HMCN1: variants seen among roughly 807,000 people sequenced by gnomAD.
The protein encoded by HMCN1 is hemicentin-1.
A neutral mutation model predicts 625.9 loss-of-function variants in HMCN1; 321 were observed. The ratio of observed to expected loss-of-function variants is 0.51; its 90% CI spans 0.47 to 0.56. HMCN1 has a LOEUF of 0.56. HMCN1 is among the 20% of genes least tolerant of loss of function. HMCN1 has a pLI of 0.00. For synonymous variants in HMCN1, 2,425 were observed against 2,417.6 expected (o/e 1.00, Z -0.09); for missense variants, 6,588 against 6,887.3 (o/e 0.96, Z 1.54).
chr1:186,078,483 A>C (rs528360411), intron 55 of HMCN1, among the ~76,000 whole-genome samples: 39 of 152,206 alleles, frequency 2.6e-4, no homozygotes, highest in Non-Finnish European at 3.8e-4. Context: ...GTCCCAAAAT[A>C]GAGCTGGCTA....
chr1:186,001,765 A>G (rs1431579729), intron 28 of HMCN1, 24 bp downstream of exon 28: 1 of 1,596,746 alleles, frequency 6.3e-7, no homozygotes, highest in East Asian at 2.2e-5. Context: ...CCTTTTAAAA[A>G]ACTACAATTC....
intron 3 of HMCN1, 99 bp from the exon 4 acceptor site, chr1:185,865,642 C>A: frequency 4.8e-6 from 4 of 832,982 alleles, no homozygotes; most frequent in Non-Finnish European, 5.7e-6. Context: ...TTCACATATT[C>A]TACTTGCCCA....
chr1:185,746,772 A>AT (rs1238817382), intron 1 of HMCN1, among the ~76,000 whole-genome samples: 2 of 151,616 alleles, frequency 1.3e-5, no homozygotes, highest in African/African-American at 4.9e-5. Flanking sequence ...TGCCCAGCTA[A>AT]TTTTTTGTAT....
intron 4 of HMCN1, among the ~76,000 whole-genome samples, chr1:185,884,563 C>T (rs183587300): frequency 5.3e-4 from 80 of 152,092 alleles, no homozygotes; most frequent in African/African-American, 1.8e-3. Flanking sequence ...CAATCCTATT[C>T]TCTCTCTTAT....
chr1:185,873,663 A>G (rs1232107158), intron 4 of HMCN1, among the ~76,000 whole-genome samples: 2 of 152,070 alleles, frequency 1.3e-5, no homozygotes, highest in Non-Finnish European at 2.9e-5. Flanking sequence ...AGCACCTGTG[A>G]TTGAATAATA....
At chr1:186,157,753 C>T (rs1048150652) in intron 97 of HMCN1, among the ~76,000 whole-genome samples, 64 of 152,152 alleles carry the variant, frequency 4.2e-4, no homozygotes, top group African/African-American at 1.5e-3. Flanking sequence ...AACCATGTCC[C>T]TACAAAGGAC....
At chr1:185,885,427 A>C (rs1664584999) in intron 4 of HMCN1, among the ~76,000 whole-genome samples, 1 of 151,956 alleles carries the variant, frequency 6.6e-6, no homozygotes, top group Non-Finnish European at 1.5e-5. Context: ...AATATGATCC[A>C]ATTATTTTAT....
chr1:185,996,388 C>A (rs1047873950), intron 24 of HMCN1, among the ~76,000 whole-genome samples: 2 of 152,112 alleles, frequency 1.3e-5, no homozygotes, highest in African/African-American at 2.4e-5. Flanking sequence ...GGCCAGCTGG[C>A]TGCATTCCAG....
chr1:186,066,413 G>A (rs772899879), intron 49 of HMCN1, among the ~76,000 whole-genome samples: 2 of 151,938 alleles, frequency 1.3e-5, no homozygotes, highest in East Asian at 1.9e-4. Flanking sequence ...CAATCTACCC[G>A]GCCAAAAGTC....
Position 186,070,645 on chromosome 1 carries a change from G to C in HMCN1, c.8027G>C (p.Gly2676Ala). ...PPIINKGDLWGPGLSPKEVKI... is the reference protein window; with the variant it reads ...PPIINKGDLWAPGLSPKEVKI... ...ATAATCAATAAAGGGGACCTTTGGG[G>C]GCCAGGTCTTTCCCCTAAAGAAGTG... Residue 2676 changes from glycine (G) to alanine (A), a missense_variant, in exon 52 of 107, where the codon GGG becomes GCG. Physicochemically the swap from Gly to Ala is moderately conservative, Grantham distance 60. This residue lies in a region of HMCN1 where 4,628 missense variants were observed against 4,853.1 expected (regional missense o/e 0.95). Coordinates refer to ENST00000271588, the MANE Select transcript of HMCN1 (RefSeq NM_031935.3). The C allele has an allele frequency of 6.2e-7, 1 of 1,613,254 alleles. No homozygotes were observed.
At chr1:186,091,058 CTT>C in intron 64 of HMCN1, 141 bp downstream of exon 64, 1 of 928,624 alleles carries the variant, frequency 1.1e-6, no homozygotes. Flanking sequence ...AAACAAAAAA[CTT>C]TTTTTTGAGA....
At chr1:185,955,515 A>G (rs1049450621) in intron 11 of HMCN1, among the ~76,000 whole-genome samples, 1 of 152,212 alleles carries the variant, frequency 6.6e-6, no homozygotes, top group African/African-American at 2.4e-5. Context: ...TATTGATATT[A>G]AGCCTCTATG....
At chr1:185,988,609 A>G (rs1652166484) in intron 20 of HMCN1, among the ~76,000 whole-genome samples, 2 of 152,364 alleles carry the variant, frequency 1.3e-5, no homozygotes, top group Admixed American at 1.3e-4. Flanking sequence ...TAGAAGTTTA[A>G]TGCATTTTAA....
intron 55 of HMCN1, among the ~76,000 whole-genome samples, chr1:186,078,710 T>G (rs1451386813): frequency 2.6e-5 from 4 of 152,214 alleles, no homozygotes; most frequent in African/African-American, 9.6e-5. Flanking sequence ...TGAATTTCCG[T>G]GGTTTTAATT....
intron 68 of HMCN1, among the ~76,000 whole-genome samples, chr1:186,096,697 C>G (rs1338110754): frequency 6.6e-6 from 1 of 152,082 alleles, no homozygotes; most frequent in Admixed American, 6.6e-5. Flanking sequence ...ATCATTCACT[C>G]TGATCAAGTG....
At chr1:186,115,503 T>A in intron 75 of HMCN1, 89 bp downstream of exon 75, 9 of 1,203,026 alleles carry the variant, frequency 7.5e-6, no homozygotes, top group Non-Finnish European at 1.1e-5. Flanking sequence ...TCAGCAAATA[T>A]ATAGACTATA....
intron 98 of HMCN1, among the ~76,000 whole-genome samples, chr1:186,165,510 G>A (rs541298157): frequency 7.9e-5 from 12 of 152,306 alleles, no homozygotes; most frequent in South Asian, 4.2e-4. Flanking sequence ...CTTGATTGCC[G>A]TGGCTGTGAG....
In HMCN1 at chr1:186,108,482, C is replaced by G. The variant is rs748094864; in HGVS notation, c.10874C>G (p.Thr3625Ser). ...CCAGTACCTCCTAATATTGCTGGAACTGATGAGCCCCGGGATATCACTGTG... is the reference window on the plus strand; with the variant it reads ...CCAGTACCTCCTAATATTGCTGGAAGTGATGAGCCCCGGGATATCACTGTG... The part of the protein sequence containing the change: ...RVHVPPNIAG[T>S]DEPRDITVLR... The change falls in exon 71 of 107, where the codon ACT becomes AGT. Residue 3625 changes from threonine to serine, a missense_variant. By Grantham distance (58) the Thr-to-Ser change is moderately conservative (BLOSUM62 1). Around this residue, in one of 3 missense-constraint regions of HMCN1, gnomAD observed 4,628 missense variants for 4,853.1 expected, o/e 0.95. Coordinates refer to ENST00000271588, the MANE Select transcript of HMCN1 (RefSeq NM_031935.3). 3.1e-6 allele frequency: 5 copies of G among 1,614,080 alleles called. No homozygotes were observed. In the East Asian group the frequency reaches 1.1e-4, roughly 36 times the overall value.
chr1:186,108,299 TA>T lies in HMCN1; in HGVS notation c.10853-152del, dbSNP rs567765160. Among the ~76,000 whole-genome samples, 477 of 149,010 alleles carry T rather than the reference TA, an allele frequency of 3.2e-3. 1 individual carries two copies. Among genetic ancestry groups the T allele is most frequent in the African/African-American group, 9.0e-3 (366 of 40,684 alleles). On this transcript the variant is annotated intron_variant, in intron 70 of 106. Transcript: ENST00000271588. ...TGTACATGAAATTGCTAAATAAGGT[TA>T]AAAAAAAAACACTTCCCACTGTTTG... is the stretch of plus-strand genomic sequence containing the variant.
Sources: allele counts gnomAD v4.1 joint callset (sites outside exome capture counted in the v4.1 genomes callset), GRCh38; gene constraint gnomAD v4.1.1; regional missense constraint gnomAD v4.1.1; transcripts MANE v1.5; gene names NCBI Gene and HGNC (gene_info 2026-07-23, HGNC 2026-07-21).